Variants in ZRANB3 observed in about 807,000 individuals in gnomAD.
ZRANB3 encodes the protein zinc finger RANBP2-type containing 3.
ZRANB3 carries 125 observed loss-of-function variants against 133.8 expected under a neutral mutation model. The ratio of observed to expected loss-of-function variants is 0.93; its 90% confidence interval spans 0.81 to 1.08. The LOEUF (loss-of-function observed/expected upper bound fraction) is 1.08. Among genes scored for constraint, ZRANB3 ranks in the 50% least tolerant of loss-of-function variants. The pLI, the probability that ZRANB3 is intolerant of heterozygous loss-of-function variation, is 0.00. For missense variants in ZRANB3, 1,229 were observed against 1,275.5 expected, an observed-to-expected ratio of 0.96 and a Z score of 0.56; for synonymous variants, 387 against 432.7, an observed-to-expected ratio of 0.89 and a Z score of 1.31.
intron 2 of ZRANB3, among the ~76,000 whole-genome samples, chr2:135,426,331 T>A (rs1689063661): frequency 2.6e-5 from 4 of 152,096 alleles, no homozygotes; most frequent in Admixed American, 2.6e-4. Context: ...CCTAACTCAT[T>A]CTATGAGGCC....
intron 18 of ZRANB3, 36 bp downstream of exon 18, chr2:135,208,832 T>C (rs1046001054): frequency 6.6e-7 from 1 of 1,519,188 alleles, no homozygotes; most frequent in African/African-American, 1.4e-5. Flanking sequence ...GGAGTGGAAT[T>C]AGTACTACTA....
At chr2:135,297,595 C>T (rs1682205666) in intron 8 of ZRANB3, among the ~76,000 whole-genome samples, 1 of 152,204 alleles carries the variant, frequency 6.6e-6, no homozygotes. Context: ...TGCACCCACT[C>T]TCCAGCACTA....
At chr2:135,230,085 A>T (rs970377686) in intron 13 of ZRANB3, among the ~76,000 whole-genome samples, 1 of 152,250 alleles carries the variant, frequency 6.6e-6, no homozygotes, top group African/African-American at 2.4e-5. Context: ...CAAAGAAGCT[A>T]CATTAGATTA....
intron 11 of ZRANB3, among the ~76,000 whole-genome samples, chr2:135,267,259 G>C (rs1010689584): frequency 6.6e-6 from 1 of 152,122 alleles, no homozygotes; most frequent in African/African-American, 2.4e-5. Flanking sequence ...GCTTCTTGCT[G>C]GTGGGTACCT....
chr2:135,241,362 GTTC>G (rs1695543372), intron 12 of ZRANB3, among the ~76,000 whole-genome samples: 1 of 119,048 alleles, frequency 8.4e-6, no homozygotes, highest in African/African-American at 3.3e-5. Flanking sequence ...GTTATTCTCT[GTTC>G]TTTTTTTTTT....
intron 2 of ZRANB3, among the ~76,000 whole-genome samples, chr2:135,449,484 G>A (rs1258621123): frequency 1.3e-5 from 2 of 152,126 alleles, no homozygotes; most frequent in Non-Finnish European, 2.9e-5. Context: ...GCCAAGTGTG[G>A]TGGTGGGCAC....
intron 12 of ZRANB3, among the ~76,000 whole-genome samples, chr2:135,255,972 G>T (rs1456921548): frequency 6.7e-6 from 1 of 150,300 alleles, no homozygotes; most frequent in East Asian, 1.9e-4. Flanking sequence ...GGAGTGCAGT[G>T]GAGAAATCAC....
At chr2:135,518,601 G>A (rs1238758765) in intron 1 of ZRANB3, among the ~76,000 whole-genome samples, 2 of 152,154 alleles carry the variant, frequency 1.3e-5, no homozygotes, top group Middle Eastern at 3.2e-3. Context: ...TATCTAACCA[G>A]TCTCAATGAG....
intron 1 of ZRANB3, among the ~76,000 whole-genome samples, chr2:135,519,857 T>C (rs1426355412): frequency 6.6e-6 from 1 of 152,104 alleles, no homozygotes; most frequent in Non-Finnish European, 1.5e-5. Flanking sequence ...ATTAGAGTGT[T>C]TGGAAGGCTT....
chr2:135,447,916 T>G (rs1333519687), intron 2 of ZRANB3, among the ~76,000 whole-genome samples: 1 of 152,172 alleles, frequency 6.6e-6, no homozygotes, highest in Non-Finnish European at 1.5e-5. Flanking sequence ...AGAAGCCATA[T>G]TCTTTTTATT....
intron 3 of ZRANB3, among the ~76,000 whole-genome samples, chr2:135,385,764 GATCAGAAAACTGGC>G (rs1686942222): frequency 8.5e-5 from 13 of 152,336 alleles, no homozygotes; most frequent in African/African-American, 2.4e-4. Context: ...AATAAATGGT[GATCAGAAAACTGGC>G]TAGCCATGTG....
chr2:135,246,039 CT>C (rs569950745), intron 12 of ZRANB3, among the ~76,000 whole-genome samples: 2,840 of 100,334 alleles, frequency 0.028, 47 homozygotes, highest in South Asian at 0.15. Flanking sequence ...TTCTTTCTTT[CT>C]TTTTTTTTTT....
At chr2:135,391,868 C>T (rs1224140270) in intron 2 of ZRANB3, among the ~76,000 whole-genome samples, 9 of 152,098 alleles carry the variant, frequency 5.9e-5, no homozygotes, top group South Asian at 4.1e-4. Flanking sequence ...TGTGAGCCAC[C>T]GCGCCTGGCC....
chr2:135,478,386 C>A (rs1012452228), intron 2 of ZRANB3, among the ~76,000 whole-genome samples: 2 of 152,022 alleles, frequency 1.3e-5, no homozygotes, highest in Non-Finnish European at 2.9e-5. Flanking sequence ...TTATCAGCAC[C>A]CCCCCGAAGC....
At chr2:135,312,431 G>A (rs1683040770) in intron 8 of ZRANB3, among the ~76,000 whole-genome samples, 1 of 151,772 alleles carries the variant, frequency 6.6e-6, no homozygotes, top group South Asian at 2.1e-4. Context: ...TCTTAAAAAA[G>A]TATGTTACAA....
chr2:135,361,877 T>TGGTACACGTGATTATTTGTTCTTAGA (rs1484635155), intron 3 of ZRANB3, among the ~76,000 whole-genome samples: 11 of 152,192 alleles, frequency 7.2e-5, no homozygotes, highest in African/African-American at 2.4e-4. Context: ...GAATTTTAGA[T>TGGTACACGTGATTATTTGTTCTTAGA]GGTACACGTG....
chr2:135,353,554 C>A lies in ZRANB3; in HGVS notation c.255G>T (p.Val85=). ...AAGGGTACCTCAGAGACGAAGGGACCACTATTAACAGAGGCCATTCCTCTT... is the reference window on the plus strand; with the variant it reads ...AAGGGTACCTCAGAGACGAAGGGACAACTATTAACAGAGGCCATTCCTCTT... ...FYKEEWPLLI[V]VPSSLRYPWT... Residue 85 remains valine (V), a synonymous_variant, in exon 4 of 21, where the codon GTG becomes GTT. Transcript: ENST00000264159. 5 of 1,610,246 alleles carry A rather than the reference C, an allele frequency of 3.1e-6. No individual in the cohort carries two copies. The highest frequency in any genetic ancestry group is 4.2e-6 in the Non-Finnish European group (5 of 1,177,588).
intron 2 of ZRANB3, among the ~76,000 whole-genome samples, chr2:135,431,535 G>A (rs1689323599): frequency 6.6e-6 from 1 of 152,040 alleles, no homozygotes; most frequent in South Asian, 2.1e-4. Flanking sequence ...ACAAGGCACA[G>A]GCTGGGAGAA....
chr2:135,297,575 C>T (rs1682203144), intron 8 of ZRANB3, among the ~76,000 whole-genome samples: 1 of 152,178 alleles, frequency 6.6e-6, no homozygotes, highest in Non-Finnish European at 1.5e-5. Flanking sequence ...GTGCGCTGCA[C>T]CCACTGTCCT....
Sources: allele counts gnomAD v4.1 joint callset (sites outside exome capture counted in the v4.1 genomes callset), GRCh38; gene constraint gnomAD v4.1.1; transcripts MANE v1.5; gene names NCBI Gene and HGNC (gene_info 2026-07-23, HGNC 2026-07-21).